TRAP1: variants seen among roughly 807,000 people sequenced by gnomAD.
TRAP1 encodes the protein heat shock protein 75 kDa, mitochondrial.
In TRAP1, 102 loss-of-function variants were observed where a neutral mutation model predicts 89.1. The observed-to-expected ratio is 1.15, with a 90% CI of 0.98 to 1.35. TRAP1 has a LOEUF of 1.35. Among genes scored for constraint, TRAP1 ranks in the 40% most tolerant of loss-of-function variants. TRAP1 has a pLI of 0.00. For missense variants in TRAP1, 1,256 were observed against 945.3 expected, an observed-to-expected ratio of 1.33 and a Z score of -4.31; for synonymous variants, 508 against 388.0, an observed-to-expected ratio of 1.31 and a Z score of -3.64.
chr16:3,671,918 G>C, intron 10 of TRAP1, 127 bp from the exon 11 acceptor site: 3 of 992,946 alleles, frequency 3.0e-6, no homozygotes, highest in South Asian at 1.4e-5. Flanking sequence ...GAGGGAAGCA[G>C]GGAGGCGGCA....
chr16:3,675,163 C>G (rs948588968), intron 8 of TRAP1, among the ~76,000 whole-genome samples, 161 bp downstream of exon 8: 1 of 152,118 alleles, frequency 6.6e-6, no homozygotes, highest in African/African-American at 2.4e-5. Context: ...TGTGGTAGAG[C>G]TGGGCCCCTG....
Position 3,690,965 on chromosome 16 carries a change from G to T in TRAP1, c.109C>A (p.Arg37=). The T allele has an allele frequency of 6.5e-7, 1 of 1,536,054 alleles. No individual in the cohort carries two copies. Among genetic ancestry groups the T allele is most frequent in the Non-Finnish European group, 8.7e-7 (1 of 1,145,182 alleles). Reference sequence around the variant, plus strand: ...GGGCCCAACTGGGCTGTGGTCCTCCGAGGACACAGAATTGGTTTTCCTGAA... The same window carrying T: ...GGGCCCAACTGGGCTGTGGTCCTCCTAGGACACAGAATTGGTTTTCCTGAA... The part of the protein sequence containing the change: ...VPGGKPILCP[R]RTTAQLGPRR... The change falls in exon 2 of 18, where the codon CGG becomes AGG. Residue 37 remains arginine, a synonymous_variant. Coordinates refer to ENST00000246957, the MANE Select transcript of TRAP1 (RefSeq NM_016292.3).
intron 16 of TRAP1, chr16:3,661,038 T>A (rs1031770940): frequency 7.2e-5 from 11 of 152,170 alleles, no homozygotes; most frequent in African/African-American, 2.4e-4. Flanking sequence ...CTTCATTTTT[T>A]AAAAAATTGC....
At chr16:3,663,646 G>C in intron 13 of TRAP1, 84 bp from the exon 14 acceptor site, 4 of 1,571,358 alleles carry the variant, frequency 2.5e-6, no homozygotes, top group Middle Eastern at 4.2e-4. Flanking sequence ...CAGGAGGGCT[G>C]GGGGAGCCAA....
chr16:3,662,731 G>A (rs557944155), intron 15 of TRAP1, 151 bp downstream of exon 15: 32 of 745,260 alleles, frequency 4.3e-5, no homozygotes, highest in African/African-American at 2.2e-4. Context: ...AACACGTGCC[G>A]AGCAGGGACC....
chr16:3,663,371 G>C, intron 14 of TRAP1, 53 bp downstream of exon 14: 1 of 1,609,386 alleles, frequency 6.2e-7, no homozygotes, highest in Non-Finnish European at 8.5e-7. Flanking sequence ...GGGCAGGAGA[G>C]GCGTGCGGGG....
At chr16:3,671,642 G>T in intron 11 of TRAP1, 80 bp downstream of exon 11, 2 of 1,497,448 alleles carry the variant, frequency 1.3e-6, no homozygotes, top group Non-Finnish European at 9.1e-7. Context: ...CATGGGCCAC[G>T]GCTAGGGCCC....
intron 14 of TRAP1, 171 bp downstream of exon 14, chr16:3,663,253 A>G: frequency 2.3e-6 from 2 of 858,662 alleles, no homozygotes; most frequent in Non-Finnish European, 3.5e-6. Flanking sequence ...CTGATATCTA[A>G]ACCAGGAGGC....
intron 9 of TRAP1, among the ~76,000 whole-genome samples, 184 bp from the exon 10 acceptor site, chr16:3,673,004 G>A (rs2050936142): frequency 6.6e-6 from 1 of 152,152 alleles, no homozygotes; most frequent in Non-Finnish European, 1.5e-5. Flanking sequence ...CTCTGCAGGG[G>A]CTGAAGGCCT....
At chr16:3,660,794 C>A (rs898935157) in intron 16 of TRAP1, 2 of 152,136 alleles carry the variant, frequency 1.3e-5, no homozygotes, top group Non-Finnish European at 2.9e-5. Context: ...GGTGGTAGCC[C>A]ACACTTGTAA....
chr16:3,683,720 G>A (rs1019773242), intron 4 of TRAP1, among the ~76,000 whole-genome samples: 5 of 151,386 alleles, frequency 3.3e-5, no homozygotes, highest in African/African-American at 1.2e-4. Flanking sequence ...CTGGGTGTTG[G>A]AGTAGATGGC....
At chr16:3,704,849 A>ATT (rs71392851) in intron 1 of TRAP1, among the ~76,000 whole-genome samples, 1 of 146,754 alleles carries the variant, frequency 6.8e-6, no homozygotes, top group Non-Finnish European at 1.5e-5. Flanking sequence ...CCAACCTCTT[A>ATT]TTTTTTTTTT....
At chr16:3,709,829 T>C (rs1444504967) in intron 1 of TRAP1, among the ~76,000 whole-genome samples, 1 of 152,138 alleles carries the variant, frequency 6.6e-6, no homozygotes, top group African/African-American at 2.4e-5. Context: ...TTTGTATTTT[T>C]CGTAGAGACA....
chr16:3,705,841 G>C (rs765752613), intron 1 of TRAP1, among the ~76,000 whole-genome samples: 65 of 151,494 alleles, frequency 4.3e-4, no homozygotes, highest in Admixed American at 1.7e-3. Context: ...CACCACACCC[G>C]GCTAATTTTA....
chr16:3,674,261 A>G, intron 9 of TRAP1, 78 bp downstream of exon 9: 3 of 1,546,836 alleles, frequency 1.9e-6, no homozygotes, highest in Non-Finnish European at 2.6e-6. Flanking sequence ...CATGTTAATC[A>G]TGTGACATCT....
At chr16:3,701,550 C>A (rs868016860) in intron 1 of TRAP1, among the ~76,000 whole-genome samples, 283 of 119,872 alleles carry the variant, frequency 2.4e-3, no homozygotes, top group Non-Finnish European at 2.7e-3. Context: ...GACCCTGTCC[C>A]AAAAAAAAAA....
intron 1 of TRAP1, among the ~76,000 whole-genome samples, chr16:3,695,867 G>A (rs1246684479): frequency 6.6e-6 from 1 of 152,192 alleles, no homozygotes; most frequent in Non-Finnish European, 1.5e-5. Flanking sequence ...GGTCCTCACA[G>A]TTGAAGAAAA....
At position 3,674,384 on chromosome 16, in the gene TRAP1, C is replaced by T. The variant is rs750739710; in HGVS notation, c.999G>A (p.Thr333=). 12 of 1,614,074 alleles carry T rather than the reference C, an allele frequency of 7.4e-6. No individual in the cohort carries two copies. The highest frequency in any genetic ancestry group is 2.2e-5 in the South Asian group (2 of 91,078). ...TGCTGCGGATGTTGAGCGGTGCGTC[C>T]GTCTTATAGTGCAGGGTGTAGCGGG... ...DKPRYTLHYK[T]DAPLNIRSIF... is the part of the protein sequence containing the mutation. Residue 333 remains threonine, a synonymous_variant, in exon 9 of 18, where the codon ACG becomes ACA. Coordinates refer to ENST00000246957, the MANE Select transcript of TRAP1 (RefSeq NM_016292.3).
intron 7 of TRAP1, 123 bp downstream of exon 7, chr16:3,675,912 GC>G: frequency 1.2e-6 from 1 of 820,228 alleles, no homozygotes; most frequent in South Asian, 1.9e-5. Flanking sequence ...CAGCGGCTCG[GC>G]CCTTCACGGC....
Sources: allele counts gnomAD v4.1 joint callset (sites outside exome capture counted in the v4.1 genomes callset), GRCh38; gene constraint gnomAD v4.1.1; transcripts MANE v1.5; gene names NCBI Gene and HGNC (gene_info 2026-07-23, HGNC 2026-07-21).